IL27: variants seen among roughly 807,000 people sequenced by gnomAD.
IL27 encodes interleukin 27.
A neutral mutation model predicts 27.0 loss-of-function variants in IL27; 11 were observed. The ratio of observed to expected loss-of-function variants is 0.41; its 90% CI spans 0.26 to 0.67. The LOEUF (loss-of-function observed/expected upper bound fraction) is 0.67, where lower values mean the gene tolerates loss of function less well. Among genes scored for constraint, IL27 ranks in the 30% least tolerant of loss-of-function variants. IL27 has a pLI of 0.34. For missense variants in IL27, 299 were observed against 310.4 expected, an observed-to-expected ratio of 0.96 and a Z score of 0.28; for synonymous variants, 134 against 140.6, an observed-to-expected ratio of 0.95 and a Z score of 0.33.
Position 28,502,080 on chromosome 16 carries a change from G to C in IL27, c.358C>G (p.Leu120Val). ...STTLQPFHAL[L>V]GGLGTQGRWT... ...CGGCCCTGGGTCCCCAGCCCTCCCA[G>C]CAGGGCATGGAAGGGCTGAAGCGTG... The change falls in exon 4 of 5, where the codon CTG becomes GTG. Residue 120 changes from leucine to valine, a missense_variant. By Grantham distance (32) the Leu-to-Val change is conservative (BLOSUM62 1). Transcript: ENST00000356897. 1 of 1,613,540 alleles carries C rather than the reference G, an allele frequency of 6.2e-7. No individual in the cohort carries two copies. Among genetic ancestry groups the C allele is most frequent in the Admixed American group, 1.7e-5 (1 of 59,970 alleles).
intron 3 of IL27, among the ~76,000 whole-genome samples, chr16:28,503,058 G>A (rs942786742): frequency 3.9e-5 from 6 of 152,134 alleles, no homozygotes; most frequent in Admixed American, 6.6e-5. Context: ...CTGACCTCAG[G>A]TGATCCACCC....
In IL27 at chr16:28,499,855, C is replaced by CTCCTCCTCCTCCTCCTCCTCT; in HGVS notation, c.507_527dup (p.Glu170_Glu176dup). On this transcript the variant is annotated inframe_insertion, in exon 5 of 5. Coordinates refer to ENST00000356897, the MANE Select transcript of IL27 (RefSeq NM_145659.3). The stretch of plus-strand genomic sequence containing the variant: ...GTGCCCCTGGGAGCAGCCCCTTCCT[C>CTCCTCCTCCTCCTCCTCCTCT]TCCTCCTCCTCCTCCTCCTCTTCCT... The CTCCTCCTCCTCCTCCTCCTCT allele has an allele frequency of 2.7e-6, 4 of 1,455,252 alleles. No individual in the cohort carries two copies. Among genetic ancestry groups the CTCCTCCTCCTCCTCCTCCTCT allele is most frequent in the South Asian group, 1.3e-5 (1 of 77,602 alleles). The allele number at this position is 1,455,252 out of a possible 1,614,324, so 90.1% of individuals were successfully genotyped here. A position where few individuals can be genotyped will look rare whatever the true frequency, so the allele number is the denominator to read the frequency against.
chr16:28,501,454 TCA>T (rs889498930), intron 4 of IL27, among the ~76,000 whole-genome samples: 6 of 122,522 alleles, frequency 4.9e-5, no homozygotes, highest in East Asian at 2.9e-4. Context: ...ACCCACACAC[TCA>T]CACACTCACA....
At chr16:28,501,144 G>A (rs893699173) in intron 4 of IL27, among the ~76,000 whole-genome samples, 2 of 151,490 alleles carry the variant, frequency 1.3e-5, no homozygotes, top group Admixed American at 1.3e-4. Context: ...AGCTGAGATC[G>A]CACCGCTGCA....
rs754194138 is a variant in IL27, at chr16:28,503,776, T to C, written c.222A>G (p.Pro74=). The change falls in exon 3 of 5, where the codon CCA becomes CCG. Residue 74 remains proline (P), a synonymous_variant. Transcript: ENST00000356897. ...QAHRFAESHL[P]GVNLYLLPLG... is the part of the protein sequence containing the mutation. The stretch of plus-strand genomic sequence containing the variant: ...GGGGCAGGAGGTACAGGTTCACTCC[T>C]GGCAGGTGAGATTCCGCCTGGGGGG... The C allele has an allele frequency of 6.2e-6, 10 of 1,613,492 alleles. No individual in the cohort carries two copies. The African/African-American group carries it at 1.2e-4, about 19-fold the overall frequency.
intron 3 of IL27, among the ~76,000 whole-genome samples, chr16:28,503,409 C>T (rs1418932905): frequency 6.6e-6 from 1 of 152,176 alleles, no homozygotes; most frequent in Non-Finnish European, 1.5e-5. Context: ...ACCACCATGC[C>T]TGGCTAACTC....
At chr16:28,501,846 C>A in intron 4 of IL27, 130 bp downstream of exon 4, 1 of 1,123,788 alleles carries the variant, frequency 8.9e-7, no homozygotes, top group South Asian at 1.4e-5. Context: ...CATGAACCCA[C>A]ACACTCATGG....
intron 4 of IL27, among the ~76,000 whole-genome samples, chr16:28,501,061 C>G (rs1215968110): frequency 6.6e-6 from 1 of 152,042 alleles, no homozygotes; most frequent in Non-Finnish European, 1.5e-5. Flanking sequence ...TGATGGTGCA[C>G]GCCTGTAGTC....
In IL27 at chr16:28,499,573, T is replaced by C. The variant is rs929350534; in HGVS notation, c.*78A>G. 4 of 1,206,270 alleles carry C rather than the reference T, an allele frequency of 3.3e-6. No homozygotes were observed. Among genetic ancestry groups the C allele is most frequent in the African/African-American group, 3.1e-5 (2 of 64,980 alleles). The allele number at this position is 1,206,270 out of a possible 1,614,324, so 74.7% of individuals were successfully genotyped here. On this transcript the variant is annotated 3_prime_UTR_variant, in exon 5 of 5. Coordinates refer to ENST00000356897, the MANE Select transcript of IL27 (RefSeq NM_145659.3). ...GCCCTCCCTTGTCCAAGGCTGATGATGCGAAGGCTGCCCTGATGCCAAGAC... is the reference window on the plus strand; with the variant it reads ...GCCCTCCCTTGTCCAAGGCTGATGACGCGAAGGCTGCCCTGATGCCAAGAC...
intron 3 of IL27, among the ~76,000 whole-genome samples, chr16:28,502,573 C>T (rs2046438867): frequency 6.6e-6 from 1 of 152,002 alleles, no homozygotes; most frequent in Non-Finnish European, 1.5e-5. Flanking sequence ...CAACCTCATT[C>T]CTAACCCTAT....
Position 28,503,937 on chromosome 16 carries a change from C to T in IL27, c.145G>A (p.Val49Ile). The T allele has an allele frequency of 6.2e-7, 1 of 1,614,210 alleles. No homozygotes were observed. The highest frequency in any genetic ancestry group is 8.5e-7 in the Non-Finnish European group (1 of 1,180,032). ...AGCTTCCTGGCGAGATGCAGGCTGA[C>T]TGTGAACTCCCTCCGCAGCTCCTGC... is the stretch of plus-strand genomic sequence containing the variant. ...SLQELRREFT[V>I]SLHLARKLLS... The change falls in exon 2 of 5, where the codon GTC (valine) becomes ATC (isoleucine). Residue 49 changes from valine to isoleucine, a missense_variant. Transcript: ENST00000356897.
chr16:28,501,571 ACT>A (rs369733756), intron 4 of IL27, among the ~76,000 whole-genome samples: 10,423 of 69,370 alleles, frequency 0.15, 463 homozygotes, highest in East Asian at 0.2. Flanking sequence ...CCACACACAC[ACT>A]CACAGTCACA....
intron 3 of IL27, 118 bp from the exon 4 acceptor site, chr16:28,502,252 T>C: frequency 1.1e-6 from 1 of 912,322 alleles, no homozygotes; most frequent in Non-Finnish European, 1.6e-6. Flanking sequence ...AGTCCATCCC[T>C]GTAGCTCTTC....
intron 3 of IL27, among the ~76,000 whole-genome samples, chr16:28,502,450 C>T (rs1280787971): frequency 6.6e-6 from 1 of 152,072 alleles, no homozygotes; most frequent in East Asian, 1.9e-4. Flanking sequence ...TCCCATCATA[C>T]CTCCTGCCCA....
intron 1 of IL27, 56 bp downstream of exon 1, chr16:28,506,725 T>A: frequency 6.3e-7 from 1 of 1,580,234 alleles, no homozygotes; most frequent in South Asian, 1.1e-5. Flanking sequence ...CCAGCCAAGC[T>A]CGTCCATTCT....
At chr16:28,500,136 T>A (rs2046422397) in intron 4 of IL27, among the ~76,000 whole-genome samples, 1 of 152,214 alleles carries the variant, frequency 6.6e-6, no homozygotes, top group African/African-American at 2.4e-5. Context: ...AGCAAGAGGA[T>A]GCTCACAGAG....
chr16:28,502,168 C>T, intron 3 of IL27, 34 bp from the exon 4 acceptor site: 2 of 1,552,170 alleles, frequency 1.3e-6, no homozygotes, highest in South Asian at 1.2e-5. Flanking sequence ...GAAAGGTCCA[C>T]AGGCCAAGGA....
intron 3 of IL27, among the ~76,000 whole-genome samples, chr16:28,502,751 T>C (rs1349114699): frequency 6.6e-6 from 1 of 152,120 alleles, no homozygotes; most frequent in Non-Finnish European, 1.5e-5. Flanking sequence ...TCCAGTCCCA[T>C]GCCTGCCGCG....
chr16:28,501,343 C>T (rs1460142947), intron 4 of IL27, among the ~76,000 whole-genome samples: 29 of 151,782 alleles, frequency 1.9e-4, no homozygotes, highest in Admixed American at 1.9e-3. Context: ...CTCCCACACT[C>T]TTACACTCAC....
Sources: gnomAD v4.1 joint callset for allele counts (sites outside exome capture counted in the v4.1 genomes callset) on GRCh38, gnomAD v4.1.1 for gene constraint, MANE v1.5 for transcripts, NCBI Gene and HGNC (gene_info 2026-07-23, HGNC 2026-07-21) for gene names.